The following TACC1 variants were observed in gnomAD, a reference collection of about 807,000 sequenced individuals.
TACC1 encodes transforming acidic coiled-coil containing protein 1.
Under a neutral mutation model 84.4 loss-of-function variants are expected in TACC1, and 48 were observed. The observed-to-expected ratio is 0.57, with a 90% confidence interval of 0.45 to 0.72. TACC1 has a LOEUF of 0.72. Ranked by LOEUF, TACC1 falls within the 30% of genes least tolerant of loss-of-function variation. The probability of loss-of-function intolerance (pLI) is 0.00; values close to 1 mark genes in which losing one functional copy is unlikely to be tolerated. For missense variants in TACC1, 920 were observed against 973.0 expected, an observed-to-expected ratio of 0.95 and a Z score of 0.72; for synonymous variants, 372 against 376.3, an observed-to-expected ratio of 0.99 and a Z score of 0.13.
intron 2 of TACC1, 76 bp from the exon 3 acceptor site, chr8:38,819,446 T>C (rs1826162459): frequency 1.4e-6 from 2 of 1,458,358 alleles, no homozygotes; most frequent in Admixed American, 5.0e-5. Flanking sequence ...TATTTGTTTA[T>C]ATGAATTCAG....
Position 38,787,270 on chromosome 8 carries a change from C to T in TACC1, c.-313C>T, listed in dbSNP as rs1018960889. 27 of 1,069,028 alleles carry T rather than the reference C, an allele frequency of 2.5e-5. No homozygotes were observed. The highest frequency in any genetic ancestry group is 2.8e-5 in the Non-Finnish European group (25 of 884,358). The allele number at this position is 1,069,028 out of a possible 1,614,324, so 66.2% of individuals were successfully genotyped here. A position where few individuals can be genotyped will look rare whatever the true frequency, so the allele number is the denominator to read the frequency against. The stretch of plus-strand genomic sequence containing the variant: ...AGCCGGGAGCGGGAGCAGCAGAGGT[C>T]TAGCAGCCGGGCGCCGCGGGCCGGG... On this transcript the variant is annotated 5_prime_UTR_variant, in exon 1 of 13. Coordinates refer to ENST00000317827, the MANE Select transcript of TACC1 (RefSeq NM_006283.3).
At position 38,827,612 on chromosome 8, in the gene TACC1, G is replaced by T. The variant is rs1176401973; in HGVS notation, c.1660+237G>T. ...GTATAGGAGATGCTGATGTATGTGA[G>T]ACTGCTTGAATTTCTTTATAATTTT... On this transcript the variant is annotated intron_variant, in intron 5 of 12. Transcript: ENST00000317827. The T allele has an allele frequency of 5.5e-6, 3 of 546,244 alleles. No homozygotes were observed. The African/African-American group carries it at 5.7e-5, about 10-fold the overall frequency. 33.8% of individuals were successfully genotyped at this position (546,244 alleles called of 1,614,324 possible).
intron 1 of TACC1, among the ~76,000 whole-genome samples, chr8:38,734,625 A>G (rs1805606262): frequency 6.6e-6 from 1 of 152,244 alleles, no homozygotes; most frequent in African/African-American, 2.4e-5. Context: ...TTATGCAACA[A>G]AGGACTCTCC....
In TACC1 at chr8:38,819,594, C is replaced by T. The variant is rs1213639447; in HGVS notation, c.350C>T (p.Pro117Leu). ...TGTTCATCTAAGACTTGTTCTAAAC[C>T]TTCAGAAAATGAAGTGCCACAGCAG... ...EKCSSKTCSK[P>L]SENEVPQQAI... is the part of the protein sequence containing the mutation. Residue 117 changes from proline (P) to leucine (L), a missense_variant, in exon 3 of 13, where the codon CCT becomes CTT. Pro to Leu is a moderately conservative substitution (Grantham distance 98). Transcript: ENST00000317827. The T allele has an allele frequency of 1.2e-6, 2 of 1,614,084 alleles. No homozygotes were observed. The highest frequency in any genetic ancestry group is 4.5e-5 in the East Asian group (2 of 44,900).
intron 3 of TACC1, among the ~76,000 whole-genome samples, chr8:38,780,404 C>T (rs1815700788): frequency 6.6e-6 from 1 of 152,036 alleles, no homozygotes; most frequent in Non-Finnish European, 1.5e-5. Flanking sequence ...GCTCTGTTGC[C>T]CAGGCTGGAG....
At position 38,765,209 on chromosome 8, in the gene TACC1, C is replaced by T. The variant is rs186522575; in HGVS notation, c.26+19716C>T. ...TTTTATTTCTGCCTCATTAAACCTC[C>T]TCTTGGTCTAGGCCAACAAGAGTTT... On this transcript the variant is annotated intron_variant, in intron 3 of 14. Transcript: ENST00000518415. Among the ~76,000 whole-genome samples the T allele has an allele frequency of 4.0e-4, 61 of 151,720 alleles. 1 individual carries two copies. The East Asian group carries it at 6.6e-3, about 16-fold the overall frequency.
intron 2 of TACC1, among the ~76,000 whole-genome samples, chr8:38,806,731 T>C (rs918689160): frequency 2.0e-5 from 3 of 152,190 alleles, no homozygotes; most frequent in Non-Finnish European, 2.9e-5. Flanking sequence ...CCTGTACTTG[T>C]GGAATATGCG....
intron 2 of TACC1, among the ~76,000 whole-genome samples, chr8:38,811,698 G>T (rs538322386): frequency 6.6e-6 from 1 of 152,220 alleles, no homozygotes; most frequent in South Asian, 2.1e-4. Flanking sequence ...TATCACGTCA[G>T]GACCACTATT....
At chr8:38,806,499 G>GGA (rs1314776220) in intron 2 of TACC1, among the ~76,000 whole-genome samples, 2 of 151,392 alleles carry the variant, frequency 1.3e-5, no homozygotes, top group Non-Finnish European at 2.9e-5. Context: ...AGAGAGAGAG[G>GGA]GAGAGAGAGA....
chr8:38,755,629 A>G (rs1255369953), intron 3 of TACC1, among the ~76,000 whole-genome samples: 1 of 151,190 alleles, frequency 6.6e-6, no homozygotes, highest in Non-Finnish European at 1.5e-5. Context: ...GCTTGAGCCC[A>G]GGAGTTCAAG....
In TACC1 at chr8:38,749,536, A is replaced by G. The variant is rs562403882; in HGVS notation, c.26+4043A>G. ...TTAGCAAGCCAAATCCAGCAGCATA[A>G]AAAAGGTTATACACTATGATCAAGG... is the stretch of plus-strand genomic sequence containing the variant. On this transcript the variant is annotated intron_variant, in intron 3 of 14. Coordinates refer to the TACC1 transcript ENST00000518415. Among the ~76,000 whole-genome samples, 11 of 152,320 alleles carry G rather than the reference A, an allele frequency of 7.2e-5. No homozygotes were observed. The South Asian group carries it at 1.7e-3, about 23-fold the overall frequency.
chr8:38,806,510 G>T (rs1822766365), intron 2 of TACC1, among the ~76,000 whole-genome samples: 1 of 151,910 alleles, frequency 6.6e-6, no homozygotes, highest in Non-Finnish European at 1.5e-5. Flanking sequence ...GAGAGAGAGA[G>T]AAAATAAATT....
intron 3 of TACC1, among the ~76,000 whole-genome samples, chr8:38,765,769 C>T (rs911770130): frequency 5.3e-5 from 8 of 151,996 alleles, no homozygotes; most frequent in Admixed American, 2.0e-4. Flanking sequence ...ATACTGCGGA[C>T]GGGACATATG....
chr8:38,786,913 T>TA (rs1304073961), upstream of TACC1, among the ~76,000 whole-genome samples: 1 of 151,900 alleles, frequency 6.6e-6, no homozygotes, highest in Non-Finnish European at 1.5e-5. Context: ...TGAAAATGTT[T>TA]AAAAAAATTT....
chr8:38,838,426 A>G (rs1382334167), intron 7 of TACC1, 44 bp from the exon 8 acceptor site: 8 of 1,459,470 alleles, frequency 5.5e-6, no homozygotes, highest in Non-Finnish European at 7.7e-6. Flanking sequence ...TCTTAAATGC[A>G]AATTGTAATA....
upstream of TACC1, among the ~76,000 whole-genome samples, chr8:38,786,149 AG>A: frequency 6.6e-6 from 1 of 152,172 alleles, no homozygotes; most frequent in East Asian, 1.9e-4. Context: ...CGGAAATTAC[AG>A]TACCACCTGG....
chr8:38,792,912 T>C (rs1819067500), intron 2 of TACC1, among the ~76,000 whole-genome samples: 1 of 152,206 alleles, frequency 6.6e-6, no homozygotes. Context: ...TGTGTTTGCA[T>C]GTGTGTTTAT....
At chr8:38,826,423 T>TA (rs1305856090) in intron 4 of TACC1, among the ~76,000 whole-genome samples, 2 of 152,242 alleles carry the variant, frequency 1.3e-5, no homozygotes. Context: ...TATAACAACT[T>TA]ACTTTTGTGT....
rs541155331 is a variant in TACC1 at position 38,837,190 on chromosome 8, G to A, written c.1839+903G>A. 1.8e-3 allele frequency among the ~76,000 whole-genome samples: 275 copies of A among 150,068 alleles called. 1 individual carries two copies. The highest frequency in any genetic ancestry group is 3.3e-3 in the Non-Finnish European group (223 of 67,704). ...AGTGCTTTGGGAGGCCAAGGCGGGC[G>A]GATCACCTGAGTTCAGGAATTCGAG... On this transcript the variant is annotated intron_variant, in intron 7 of 12. Coordinates refer to ENST00000317827, the MANE Select transcript of TACC1 (RefSeq NM_006283.3).
Sources: allele counts gnomAD v4.1 joint callset (sites outside exome capture counted in the v4.1 genomes callset), GRCh38; gene constraint gnomAD v4.1.1; transcripts MANE v1.5; gene names NCBI Gene and HGNC (gene_info 2026-07-23, HGNC 2026-07-21).